The following SACM1L variants were observed in gnomAD, a reference collection of about 807,000 sequenced individuals.
The protein encoded by SACM1L is phosphatidylinositol-3-phosphatase SAC1.
A neutral mutation model predicts 89.5 loss-of-function variants in SACM1L; 32 were observed. The ratio of observed to expected loss-of-function variants is 0.36; its 90% CI spans 0.27 to 0.48. The LOEUF (loss-of-function observed/expected upper bound fraction) is 0.48, where lower values mean the gene tolerates loss of function less well. SACM1L is among the 20% of genes least tolerant of loss of function. The pLI is 0.99. For missense variants in SACM1L, 543 were observed against 708.5 expected, an observed-to-expected ratio of 0.77 and a Z score of 2.65; for synonymous variants, 213 against 232.8, an observed-to-expected ratio of 0.92 and a Z score of 0.77.
At chr3:45,734,119 T>A (rs544355535) in intron 13 of SACM1L, among the ~76,000 whole-genome samples, 2 of 150,488 alleles carry the variant, frequency 1.3e-5, no homozygotes, top group East Asian at 3.9e-4. Context: ...AAGAATTTTT[T>A]TTTTTTTTTT....
chr3:45,710,814 G>C (rs116072824), intron 5 of SACM1L, among the ~76,000 whole-genome samples: 370 of 152,242 alleles, frequency 2.4e-3, no homozygotes, highest in African/African-American at 8.6e-3. Context: ...CTCTAATTTG[G>C]TAAAATTGTA....
chr3:45,733,659 T>A (rs1232170579), intron 13 of SACM1L, among the ~76,000 whole-genome samples: 1 of 152,212 alleles, frequency 6.6e-6, no homozygotes, highest in Non-Finnish European at 1.5e-5. Flanking sequence ...CCTTTTGGAT[T>A]TTGGAGAATA....
chr3:45,710,490 C>T (rs541529068), intron 5 of SACM1L, among the ~76,000 whole-genome samples: 1 of 135,990 alleles, frequency 7.4e-6, no homozygotes, highest in East Asian at 2.1e-4. Flanking sequence ...ACTGTGCCTG[C>T]CCAGTCTGCC....
At chr3:45,721,560 A>G (rs1184913935) in intron 8 of SACM1L, among the ~76,000 whole-genome samples, 1 of 152,234 alleles carries the variant, frequency 6.6e-6, no homozygotes, top group Non-Finnish European at 1.5e-5. Context: ...GCCTATCTTT[A>G]CGTTGAGTAT....
intron 10 of SACM1L, 43 bp from the exon 11 acceptor site, chr3:45,723,432 A>T: frequency 1.3e-6 from 1 of 795,090 alleles, no homozygotes; most frequent in Non-Finnish European, 1.8e-6. Flanking sequence ...TTTATAAATT[A>T]CATAATGTAC....
chr3:45,737,309 C>T (rs1209987898), intron 14 of SACM1L: 2 of 411,384 alleles, frequency 4.9e-6, no homozygotes, highest in Non-Finnish European at 8.6e-6. Context: ...CTTTCACTCT[C>T]TCTTCTGACC....
In SACM1L at chr3:45,743,749, T is replaced by G. The variant is rs991203775; in HGVS notation, c.*80T>G. On this transcript the variant is annotated 3_prime_UTR_variant, in exon 20 of 20. Transcript: ENST00000389061. ...AGTCTTTACTGACCCGCTTTCCACA[T>G]CAGCCCAAGGTCTTTTTAATGCCTT... 51 of 1,484,008 alleles carry G rather than the reference T, an allele frequency of 3.4e-5. No individual in the cohort carries two copies. The highest frequency in any genetic ancestry group is 1.8e-4 in the Middle Eastern group (1 of 5,614). 91.9% of individuals were successfully genotyped at this position (1,484,008 alleles called of 1,614,324 possible). A position where few individuals can be genotyped will look rare whatever the true frequency, so the allele number is the denominator to read the frequency against.
intron 7 of SACM1L, among the ~76,000 whole-genome samples, chr3:45,718,271 A>C (rs1176025445): frequency 6.8e-6 from 1 of 146,072 alleles, no homozygotes; most frequent in Admixed American, 7.0e-5. Context: ...GAAAGAATAC[A>C]TACAGATTAA....
At chr3:45,721,536 A>G (rs182027743) in intron 8 of SACM1L, among the ~76,000 whole-genome samples, 22 of 152,364 alleles carry the variant, frequency 1.4e-4, no homozygotes, top group Non-Finnish European at 7.4e-5. Context: ...AAATAAGTAA[A>G]TAAAAATAAA....
intron 14 of SACM1L, 43 bp from the exon 15 acceptor site, chr3:45,737,540 A>G (rs374061230): frequency 9.6e-6 from 15 of 1,555,414 alleles, no homozygotes; most frequent in Non-Finnish European, 1.3e-5. Context: ...CATGTCTGCT[A>G]AAATCTATTA....
chr3:45,724,246 A>G (rs1394030198), intron 11 of SACM1L, among the ~76,000 whole-genome samples: 1 of 151,692 alleles, frequency 6.6e-6, no homozygotes, highest in Non-Finnish European at 1.5e-5. Context: ...CCCACCAACA[A>G]TACACCAGAG....
intron 1 of SACM1L, among the ~76,000 whole-genome samples, chr3:45,702,952 T>C (rs188204301): frequency 2.2e-3 from 337 of 152,308 alleles, no homozygotes; most frequent in African/African-American, 7.5e-3. Flanking sequence ...TTTTAGCTAA[T>C]ACCTCTTGCT....
rs550723010 is a variant in SACM1L, at chr3:45,695,937, T to A, written c.32+6440T>A. Among the ~76,000 whole-genome samples, 7 of 152,286 alleles carry A rather than the reference T, an allele frequency of 4.6e-5. No homozygotes were observed. The South Asian group carries it at 1.4e-3, about 32-fold the overall frequency. ...AGTATTTGTCCTTTTATGACTGGTTTATTTCACTTAGCATAATGTCCTTAA... is the reference window on the plus strand; with the variant it reads ...AGTATTTGTCCTTTTATGACTGGTTAATTTCACTTAGCATAATGTCCTTAA... On this transcript the variant is annotated intron_variant, in intron 1 of 19. Coordinates refer to ENST00000389061, the MANE Select transcript of SACM1L (RefSeq NM_014016.5).
chr3:45,731,888 A>C (rs1044696438), intron 12 of SACM1L, among the ~76,000 whole-genome samples, 165 bp from the exon 13 acceptor site: 8 of 152,154 alleles, frequency 5.3e-5, no homozygotes, highest in South Asian at 2.1e-4. Context: ...GTGTGTGTGC[A>C]TGTAGTATAT....
chr3:45,738,736 T>C lies in SACM1L; in HGVS notation c.1477-45T>C, dbSNP rs763912387. On this transcript the variant is annotated intron_variant, in intron 17 of 19. Transcript: ENST00000389061. ...GTATCTTTGCATTGTTCATCACTAA[T>C]GTTATCTCACACTGAGTTTACGAAT... The C allele has an allele frequency of 1.1e-5, 17 of 1,521,526 alleles. No homozygotes were observed. The South Asian group carries it at 1.7e-4, about 15-fold the overall frequency. 94.3% of individuals were successfully genotyped at this position (1,521,526 alleles called of 1,614,324 possible). A position where few individuals can be genotyped will look rare whatever the true frequency, so the allele number is the denominator to read the frequency against.
intron 13 of SACM1L, 129 bp from the exon 14 acceptor site, chr3:45,735,106 A>AT: frequency 2.2e-6 from 2 of 916,730 alleles, no homozygotes; most frequent in South Asian, 4.1e-5. Flanking sequence ...CTGACCACAC[A>AT]TTCCTGTCTG....
chr3:45,689,692 C>A, intron 1 of SACM1L, 195 bp downstream of exon 1: 1 of 664,890 alleles, frequency 1.5e-6, no homozygotes, highest in Non-Finnish European at 2.6e-6. Flanking sequence ...CAGCGGCTCG[C>A]CGGCCTTTCT....
At chr3:45,704,326 C>T (rs755481217) in intron 2 of SACM1L, among the ~76,000 whole-genome samples, 19 of 151,926 alleles carry the variant, frequency 1.3e-4, no homozygotes, top group Non-Finnish European at 2.2e-4. Context: ...AAGTGAAGTA[C>T]GAAAATATAT....
In SACM1L at chr3:45,713,369, G is replaced by A. The variant is rs1698570200; in HGVS notation, c.543+173G>A. On this transcript the variant is annotated intron_variant, in intron 6 of 19. Transcript: ENST00000389061. ...CCCTGTCACATCATTCTAGGTTGAA[G>A]AAGCCTAACTATTTTACTCTGATCT... 6 of 493,478 alleles carry A rather than the reference G, an allele frequency of 1.2e-5. No individual in the cohort carries two copies. In the South Asian group the frequency reaches 1.3e-4, roughly 11 times the overall value. The allele number at this position is 493,478 out of a possible 1,614,324, so 30.6% of individuals were successfully genotyped here.
Sources: allele counts gnomAD v4.1 joint callset (sites outside exome capture counted in the v4.1 genomes callset), GRCh38; gene constraint gnomAD v4.1.1; transcripts MANE v1.5; gene names NCBI Gene and HGNC (gene_info 2026-07-23, HGNC 2026-07-21).